The following MED13 variants were observed in gnomAD, a reference collection of about 807,000 sequenced individuals.
MED13 encodes mediator complex subunit 13, also known as mediator of RNA polymerase II transcription subunit 13.
A neutral mutation model predicts 225.2 loss-of-function variants in MED13; 23 were observed. The ratio of observed to expected loss-of-function variants is 0.10; its 90% CI spans 0.07 to 0.14. The LOEUF (loss-of-function observed/expected upper bound fraction) is 0.14. Among genes scored for constraint, MED13 ranks in the 10% least tolerant of loss-of-function variants. The pLI is 1.00. For missense variants in MED13, 2,197 were observed against 2,594.5 expected, an observed-to-expected ratio of 0.85 and a Z score of 3.33; for synonymous variants, 942 against 889.2, an observed-to-expected ratio of 1.06 and a Z score of -1.06.
chr17:62,019,904 T>C (rs1035413048), intron 8 of MED13, among the ~76,000 whole-genome samples: 4 of 151,838 alleles, frequency 2.6e-5, no homozygotes, highest in Non-Finnish European at 5.9e-5. Context: ...CCACCAAGCC[T>C]GGCTAATTTT....
rs772836387 is a variant in MED13, at chr17:62,065,149, G to C, written c.57C>G (p.Leu19=). ...GASLEDCHCN[L]FCLADLTGIK... ...CGGCCCCGGCACTCACCAGGCAGAA[G>C]AGGTTACAGTGACAATCTTCCAGGC... Residue 19 remains leucine, a synonymous_variant, in exon 1 of 30, where the codon CTC becomes CTG. Coordinates refer to ENST00000397786, the MANE Select transcript of MED13 (RefSeq NM_005121.3). 1 of 1,577,220 alleles carries C rather than the reference G, an allele frequency of 6.3e-7. No individual in the cohort carries two copies.
intron 18 of MED13, among the ~76,000 whole-genome samples, chr17:61,967,635 C>T (rs1393043187): frequency 6.6e-6 from 1 of 152,098 alleles, no homozygotes; most frequent in East Asian, 1.9e-4. Flanking sequence ...TTAGTGATAT[C>T]TAGCATAGAT....
intron 3 of MED13, among the ~76,000 whole-genome samples, chr17:62,037,818 G>T (rs936994988): frequency 6.6e-6 from 1 of 151,346 alleles, no homozygotes; most frequent in African/African-American, 2.4e-5. Flanking sequence ...AGCTGGGTGT[G>T]GTGGCACACA....
chr17:62,056,971 T>C (rs2081000763), intron 2 of MED13, among the ~76,000 whole-genome samples: 1 of 152,044 alleles, frequency 6.6e-6, no homozygotes. Context: ...CAGATTACAG[T>C]AGTGCCAAAG....
In MED13 at chr17:61,982,572, T is replaced by C; in HGVS notation, c.3431A>G (p.Asp1144Gly). Residue 1144 changes from aspartate to glycine, a missense_variant, in exon 16 of 30, where the codon GAT becomes GGT. Asp to Gly is a moderately conservative substitution (Grantham distance 94, BLOSUM62 -1). Coordinates refer to ENST00000397786, the MANE Select transcript of MED13 (RefSeq NM_005121.3). ...ATTGCGTCCTATGATATCTAGTTCA[T>C]CTTCAAGAAATAATCCTGAATTGTT... Reference protein sequence around the residue: ...FGNNSGLFLEDELDIIGRNTD... With the variant: ...FGNNSGLFLEGELDIIGRNTD... 1 of 1,614,202 alleles carries C rather than the reference T, an allele frequency of 6.2e-7. No individual in the cohort carries two copies. The highest frequency in any genetic ancestry group is 8.5e-7 in the Non-Finnish European group (1 of 1,180,032).
rs370699276 is a variant in MED13 at position 61,977,528 on chromosome 17, T to C, written c.3806-4640A>G. On this transcript the variant is annotated intron_variant, in intron 16 of 29. Transcript: ENST00000397786. ...GTGCGGTGGCACCATCTCTGCTCAC[T>C]GTAAGCTCCCCCTCCCGGGTTCACA... 2.6e-5 allele frequency among the ~76,000 whole-genome samples: 4 copies of C among 152,218 alleles called. No homozygotes were observed. The South Asian group carries it at 8.3e-4, about 32-fold the overall frequency.
At chr17:62,032,977 C>T (rs1267340226) in intron 5 of MED13, among the ~76,000 whole-genome samples, 1 of 152,076 alleles carries the variant, frequency 6.6e-6, no homozygotes, top group Non-Finnish European at 1.5e-5. Context: ...CGGCAAAACC[C>T]CATCTCTACT....
chr17:61,987,011 A>G lies in MED13; in HGVS notation c.2381T>C (p.Leu794Pro). 1 of 1,561,218 alleles carries G rather than the reference A, an allele frequency of 6.4e-7. No individual in the cohort carries two copies. Among genetic ancestry groups the G allele is most frequent in the South Asian group, 1.2e-5 (1 of 82,874 alleles). Residue 794 changes from leucine (L) to proline (P), a missense_variant, in exon 12 of 30, where the codon CTA (leucine) becomes CCA (proline). Leu to Pro is a moderately conservative substitution (Grantham distance 98). Around this residue, in one of 12 missense-constraint regions of MED13, gnomAD observed 41 missense variants for 55.8 expected, o/e 0.73. Coordinates refer to ENST00000397786, the MANE Select transcript of MED13 (RefSeq NM_005121.3). Reference protein sequence around the residue: ...DNLFNSDEDELTPGSKKSANG... With the variant: ...DNLFNSDEDEPTPGSKKSANG... Reference sequence around the variant, plus strand: ...ATTCATTAATGAGATACTCACTGTTAGTTCATCTTCATCAGAATTGAAGAG... The same window carrying G: ...ATTCATTAATGAGATACTCACTGTTGGTTCATCTTCATCAGAATTGAAGAG...
chr17:61,971,008 G>A (rs1488467187), intron 17 of MED13, among the ~76,000 whole-genome samples: 1 of 151,458 alleles, frequency 6.6e-6, no homozygotes, highest in Non-Finnish European at 1.5e-5. Flanking sequence ...CAGGGTGACA[G>A]AACAAATCTC....
chr17:61,991,806 C>T (rs1490302486), intron 11 of MED13, among the ~76,000 whole-genome samples: 1 of 151,922 alleles, frequency 6.6e-6, no homozygotes, highest in African/African-American at 2.4e-5. Context: ...CTGTGCCCGG[C>T]CTAATTTTTG....
rs1603410987 is a variant in MED13, at chr17:62,063,387, G to A, written c.67-86C>T. 5.8e-6 allele frequency: 5 copies of A among 861,148 alleles called. No individual in the cohort carries two copies. In the East Asian group the frequency reaches 9.7e-5, roughly 17 times the overall value. 53.3% of individuals were successfully genotyped at this position (861,148 alleles called of 1,614,324 possible). A position where few individuals can be genotyped will look rare whatever the true frequency, so the allele number is the denominator to read the frequency against. ...AATATGATGTCTCTTATTTCATTAA[G>A]ACATTACAATTTTTCAATGTATGCT... is the stretch of plus-strand genomic sequence containing the variant. On this transcript the variant is annotated intron_variant, in intron 1 of 29. Transcript: ENST00000397786.
intron 9 of MED13, among the ~76,000 whole-genome samples, chr17:61,999,779 G>A (rs1434630514): frequency 6.6e-6 from 1 of 152,166 alleles, no homozygotes; most frequent in Non-Finnish European, 1.5e-5. Flanking sequence ...CAAGAGGGCT[G>A]GGTGCAGTGG....
intron 3 of MED13, among the ~76,000 whole-genome samples, chr17:62,039,565 T>G (rs1410251761): frequency 6.7e-6 from 1 of 150,074 alleles, no homozygotes; most frequent in Non-Finnish European, 1.5e-5. Flanking sequence ...ATTACAGGCA[T>G]GAACCACCGC....
chr17:61,985,224 T>C, intron 12 of MED13, 134 bp from the exon 13 acceptor site: 1 of 638,720 alleles, frequency 1.6e-6, no homozygotes, highest in Non-Finnish European at 2.7e-6. Flanking sequence ...TACAGCCAAA[T>C]ACATACTAGT....
At chr17:62,057,301 G>C (rs998402160) in intron 2 of MED13, among the ~76,000 whole-genome samples, 3 of 151,996 alleles carry the variant, frequency 2.0e-5, no homozygotes, top group African/African-American at 7.3e-5. Context: ...AATATACCGA[G>C]AGCCTTAAGT....
chr17:61,987,048 C>A lies in MED13; in HGVS notation c.2344G>T (p.Asp782Tyr). The change falls in exon 12 of 30, where the codon GAC becomes TAC. Residue 782 changes from aspartate (D) to tyrosine (Y), a missense_variant. Physicochemically the swap from Asp to Tyr is radical, Grantham distance 160 (BLOSUM62 -3). Around this residue, in one of 12 missense-constraint regions of MED13, gnomAD observed 41 missense variants for 55.8 expected, o/e 0.73. Coordinates refer to ENST00000397786, the MANE Select transcript of MED13 (RefSeq NM_005121.3). ...TCAGAATTGAAGAGATTATCAAGGT[C>A]AGTATAAGAGACAGCCAGGTCTGAG... ...YDSDLAVSYT[D>Y]LDNLFNSDED... 6.2e-7 allele frequency: 1 copy of A among 1,601,050 alleles called. No homozygotes were observed. The highest frequency in any genetic ancestry group is 1.1e-5 in the South Asian group (1 of 89,410).
intron 11 of MED13, among the ~76,000 whole-genome samples, chr17:61,990,627 G>A (rs900833697): frequency 1.4e-5 from 2 of 139,002 alleles, no homozygotes; most frequent in South Asian, 2.3e-4. Context: ...GGCGCACTGT[G>A]TATATATATA....
chr17:61,987,909 ATTTT>A (rs531748116), intron 11 of MED13, among the ~76,000 whole-genome samples: 1 of 145,038 alleles, frequency 6.9e-6, no homozygotes, highest in Non-Finnish European at 1.5e-5. Context: ...TGCCCAGTTA[ATTTT>A]TTTTTTTTTC....
intron 4 of MED13, among the ~76,000 whole-genome samples, chr17:62,034,704 A>T (rs1295463241): frequency 1.3e-5 from 2 of 152,216 alleles, no homozygotes; most frequent in Non-Finnish European, 2.9e-5. Context: ...TTAAAGTTAA[A>T]ATAAGAACAC....
Sources: gnomAD v4.1 joint callset for allele counts (sites outside exome capture counted in the v4.1 genomes callset) on GRCh38, gnomAD v4.1.1 for gene constraint, gnomAD v4.1.1 regional missense constraint, MANE v1.5 for transcripts, NCBI Gene and HGNC (gene_info 2026-07-23, HGNC 2026-07-21) for gene names.